The following MDFIC variants were observed in gnomAD, a reference collection of about 807,000 sequenced individuals.
The protein encoded by MDFIC is myoD family inhibitor domain-containing protein.
A neutral mutation model predicts 23.2 loss-of-function variants in MDFIC; 17 were observed. The ratio of observed to expected loss-of-function variants is 0.73; its 90% confidence interval spans 0.50 to 1.10. MDFIC has a LOEUF of 1.10. Ranked by LOEUF, MDFIC falls within the 50% of genes least tolerant of loss-of-function variation. MDFIC has a pLI of 0.00. For missense variants in MDFIC, 356 were observed against 316.6 expected, an observed-to-expected ratio of 1.12 and a Z score of -0.95; for synonymous variants, 120 against 115.2, an observed-to-expected ratio of 1.04 and a Z score of -0.27.
At chr7:115,008,470 A>G (rs570242652) in intron 4 of MDFIC, among the ~76,000 whole-genome samples, 3 of 152,272 alleles carry the variant, frequency 2.0e-5, no homozygotes, top group East Asian at 3.9e-4. Context: ...CCACTAGGAA[A>G]ATGTTGACTG....
In MDFIC at chr7:114,967,597, G is replaced by C. The variant is rs77160584; in HGVS notation, c.218-11909G>C. Among the ~76,000 whole-genome samples the C allele has an allele frequency of 5.1e-3, 773 of 152,116 alleles. 6 individuals are homozygous for C. The highest frequency in any genetic ancestry group is 6.4e-3 in the Non-Finnish European group (434 of 68,004). On this transcript the variant is annotated intron_variant, in intron 3 of 4. Coordinates refer to ENST00000393486, the MANE Select transcript of MDFIC (RefSeq NM_001166345.3). ...GAGATGATAAATATTTGTAAGTTAA[G>C]TTATATGAGGGCCAGGTCTTTATAC...
intron 4 of MDFIC, among the ~76,000 whole-genome samples, chr7:115,005,381 T>G (rs1430246371): frequency 6.6e-6 from 1 of 152,212 alleles, no homozygotes; most frequent in Non-Finnish European, 1.5e-5. Flanking sequence ...TCCCTGTTGC[T>G]AATAGCCTTA....
chr7:114,932,908 T>C (rs1359391002), intron 2 of MDFIC, among the ~76,000 whole-genome samples: 1 of 152,242 alleles, frequency 6.6e-6, no homozygotes, highest in Non-Finnish European at 1.5e-5. Context: ...ATTATCTTAT[T>C]TGTGCCTTTG....
chr7:114,971,342 T>C (rs1793201768), intron 3 of MDFIC, among the ~76,000 whole-genome samples: 1 of 152,226 alleles, frequency 6.6e-6, no homozygotes, highest in Non-Finnish European at 1.5e-5. Flanking sequence ...AATCTACTTC[T>C]GATACAGGTG....
Position 114,966,817 on chromosome 7 carries a change from T to C in MDFIC, c.218-12689T>C, listed in dbSNP as rs539863356. Among the ~76,000 whole-genome samples, 10 of 152,274 alleles carry C rather than the reference T, an allele frequency of 6.6e-5. No individual in the cohort carries two copies. The South Asian group carries it at 1.2e-3, about 19-fold the overall frequency. ...GGCAGGGTTAGGCCCGTAGAGCATA[T>C]GTAGAAGTTGTATCTGGGAAGCATG... On this transcript the variant is annotated intron_variant, in intron 3 of 4. Transcript: ENST00000393486.
intron 4 of MDFIC, among the ~76,000 whole-genome samples, chr7:115,006,033 T>C (rs1170338169): frequency 6.6e-6 from 1 of 152,290 alleles, no homozygotes; most frequent in East Asian, 1.9e-4. Context: ...GCTTCTTTGG[T>C]TGGGGCCTGT....
chr7:114,934,437 C>T (rs974420952), intron 2 of MDFIC, among the ~76,000 whole-genome samples: 10 of 152,126 alleles, frequency 6.6e-5, no homozygotes, highest in South Asian at 4.1e-4. Context: ...CCTATTCCTT[C>T]GCATATTTAT....
chr7:114,995,103 T>C (rs1791294125), intron 4 of MDFIC, among the ~76,000 whole-genome samples: 1 of 152,218 alleles, frequency 6.6e-6, no homozygotes. Context: ...CATTTGATCT[T>C]CAGTCACTGA....
rs1791856742 is a variant in MDFIC, at chr7:115,019,275, T to G, written c.*3340T>G. On this transcript the variant is annotated 3_prime_UTR_variant, in exon 5 of 5. Coordinates refer to ENST00000393486, the MANE Select transcript of MDFIC (RefSeq NM_001166345.3). ...AGCATCTAACTAAAACAATACAGTATGACTTTATTTAGGAGAAGGCTTTTT... is the reference window on the plus strand; with the variant it reads ...AGCATCTAACTAAAACAATACAGTAGGACTTTATTTAGGAGAAGGCTTTTT... 6.6e-6 allele frequency: 1 copy of G among 152,122 alleles called. No homozygotes were observed. Among genetic ancestry groups the G allele is most frequent in the Admixed American group, 6.6e-5 (1 of 15,254 alleles). The allele number at this position is 152,122 out of a possible 1,614,324, so 9.4% of individuals were successfully genotyped here.
chr7:115,014,579 G>A, intron 4 of MDFIC: 1 of 1,177,090 alleles, frequency 8.5e-7, no homozygotes, highest in Non-Finnish European at 1.1e-6. Context: ...GTAGGTTGTG[G>A]AATCTTCTTA....
intron 4 of MDFIC, among the ~76,000 whole-genome samples, chr7:114,998,411 A>T (rs1425174441): frequency 1.3e-5 from 2 of 152,124 alleles, no homozygotes; most frequent in African/African-American, 2.4e-5. Context: ...TACCTTTTTG[A>T]AAAATGAGTT....
At chr7:114,934,189 G>C (rs759786699) in intron 2 of MDFIC, among the ~76,000 whole-genome samples, 1 of 152,188 alleles carries the variant, frequency 6.6e-6, no homozygotes, top group Non-Finnish European at 1.5e-5. Flanking sequence ...GAAGGAGTTT[G>C]CTGTGCCTCA....
intron 4 of MDFIC, among the ~76,000 whole-genome samples, chr7:114,995,154 G>C (rs1183582798): frequency 6.6e-6 from 1 of 152,170 alleles, no homozygotes; most frequent in Non-Finnish European, 1.5e-5. Flanking sequence ...ACTGAAGCTT[G>C]TGCATTCATC....
chr7:114,994,342 C>T (rs1433812346), intron 4 of MDFIC, among the ~76,000 whole-genome samples: 1 of 152,132 alleles, frequency 6.6e-6, no homozygotes, highest in East Asian at 1.9e-4. Context: ...GCATTTAGCC[C>T]ATTTACATTT....
Position 114,963,323 on chromosome 7 carries a change from G to A in MDFIC, c.218-16183G>A, listed in dbSNP as rs568703597. ...AATAAATATACATCCAGAGGACAGT[G>A]TGTGTATTATCTAGCCACACTGGCT... On this transcript the variant is annotated intron_variant, in intron 3 of 4. Coordinates refer to ENST00000393486, the MANE Select transcript of MDFIC (RefSeq NM_001166345.3). 3.3e-5 allele frequency among the ~76,000 whole-genome samples: 5 copies of A among 152,326 alleles called. No homozygotes were observed. The East Asian group carries it at 9.6e-4, about 29-fold the overall frequency.
chr7:114,929,081 A>G (rs965430636), intron 2 of MDFIC, among the ~76,000 whole-genome samples: 1 of 145,632 alleles, frequency 6.9e-6, no homozygotes, highest in African/African-American at 2.5e-5. Context: ...ATAGATAAAT[A>G]TAGATCTATC....
At chr7:114,979,905 GT>G in intron 4 of MDFIC, 124 bp downstream of exon 4, 1 of 1,190,846 alleles carries the variant, frequency 8.4e-7, no homozygotes, top group Non-Finnish European at 1.2e-6. Flanking sequence ...AGGAATTTTG[GT>G]AAAATGCAGA....
At chr7:114,991,047 G>C (rs2116023174) in intron 4 of MDFIC, among the ~76,000 whole-genome samples, 1 of 151,962 alleles carries the variant, frequency 6.6e-6, no homozygotes. Flanking sequence ...CATTCTAACT[G>C]GTGTGAGATG....
At chr7:114,996,701 A>C (rs1407301346) in intron 4 of MDFIC, among the ~76,000 whole-genome samples, 1 of 152,162 alleles carries the variant, frequency 6.6e-6, no homozygotes, top group East Asian at 1.9e-4. Context: ...CTTTAGGGCA[A>C]AGGGATTAGG....
Sources: gnomAD v4.1 joint callset for allele counts (sites outside exome capture counted in the v4.1 genomes callset) on GRCh38, gnomAD v4.1.1 for gene constraint, MANE v1.5 for transcripts, NCBI Gene and HGNC (gene_info 2026-07-23, HGNC 2026-07-21) for gene names.